The following MYO5B variants were observed in gnomAD, a reference collection of about 807,000 sequenced individuals.
The protein encoded by MYO5B is unconventional myosin-Vb.
In MYO5B, 143 loss-of-function variants were observed where a neutral mutation model predicts 229.3. The observed-to-expected ratio is 0.62, with a 90% CI of 0.54 to 0.72. The LOEUF (loss-of-function observed/expected upper bound fraction) is 0.72, where lower values mean the gene tolerates loss of function less well. MYO5B is among the 30% of genes least tolerant of loss of function. MYO5B has a pLI of 0.00. For synonymous variants in MYO5B, 918 were observed against 885.2 expected (o/e 1.04, Z -0.66); for missense variants, 2,321 against 2,331.0 (o/e 1.00, Z 0.09).
chr18:49,833,201 A>G (rs1221358480), intron 39 of MYO5B, among the ~76,000 whole-genome samples: 1 of 152,260 alleles, frequency 6.6e-6, no homozygotes, highest in Non-Finnish European at 1.5e-5. Context: ...ATTAAAGTAT[A>G]TAAGGTGGTC....
chr18:50,018,645 C>T (rs968611422), intron 4 of MYO5B, among the ~76,000 whole-genome samples: 2 of 152,154 alleles, frequency 1.3e-5, no homozygotes, highest in Non-Finnish European at 2.9e-5. Context: ...GATAAGGAAA[C>T]AGAGAGCTGG....
intron 4 of MYO5B, among the ~76,000 whole-genome samples, chr18:50,029,924 T>C (rs529076553): frequency 2.3e-4 from 35 of 152,280 alleles, no homozygotes; most frequent in Admixed American, 7.2e-4. Flanking sequence ...ACTGAAAACC[T>C]GAGGCTCAAT....
chr18:50,042,976 T>TC (rs1234101301), intron 2 of MYO5B, among the ~76,000 whole-genome samples: 3 of 151,638 alleles, frequency 2.0e-5, no homozygotes, highest in Non-Finnish European at 2.9e-5. Flanking sequence ...CTTCAACTCT[T>TC]CCCCCCAAGG....
chr18:49,941,674 C>T (rs2025315063), intron 14 of MYO5B, among the ~76,000 whole-genome samples: 2 of 151,778 alleles, frequency 1.3e-5, no homozygotes, highest in South Asian at 2.1e-4. Flanking sequence ...ATTTTCCTCC[C>T]TCTCGATACA....
rs1360791410 is a variant in MYO5B, at chr18:49,941,235, A to G, written c.1753-3838T>C. 2.6e-5 allele frequency among the ~76,000 whole-genome samples: 4 copies of G among 152,178 alleles called. No homozygotes were observed. The South Asian group carries it at 6.2e-4, about 24-fold the overall frequency. On this transcript the variant is annotated intron_variant, in intron 14 of 39. Coordinates refer to ENST00000285039, the MANE Select transcript of MYO5B (RefSeq NM_001080467.3). ...CACCAGAGTGACTTGCATGCAAATA[A>G]AAGTTGCAGTTCCTTAGTTCCCTGG...
At chr18:49,976,916 C>A (rs2025757565) in intron 9 of MYO5B, among the ~76,000 whole-genome samples, 1 of 152,206 alleles carries the variant, frequency 6.6e-6, no homozygotes, top group Admixed American at 6.5e-5. Context: ...CCAATTTGTT[C>A]ATCTGACCTA....
At chr18:49,891,857 C>A (rs2024718563) in intron 22 of MYO5B, among the ~76,000 whole-genome samples, 1 of 152,208 alleles carries the variant, frequency 6.6e-6, no homozygotes. Context: ...TGTCTTGATA[C>A]AATGCACAAC....
chr18:49,992,282 A>G lies in MYO5B; in HGVS notation c.756+6T>C, dbSNP rs16951370. ...TACACAAAAGGGCGCAAATCCTCCCACTCACCTGGAAGACCACTCTGGACT... is the reference window on the plus strand; with the variant it reads ...TACACAAAAGGGCGCAAATCCTCCCGCTCACCTGGAAGACCACTCTGGACT... On this transcript the variant is annotated splice_donor_region_variant and intron_variant, in intron 6 of 39. Transcript: ENST00000285039. The G allele has an allele frequency of 0.037, 59,076 of 1,613,876 alleles. 2,797 individuals carry two copies. Among genetic ancestry groups the G allele is most frequent in the African/African-American group, 0.23 (17,554 of 74,896 alleles).
intron 39 of MYO5B, among the ~76,000 whole-genome samples, chr18:49,834,063 T>C (rs2023956806): frequency 1.3e-5 from 2 of 152,212 alleles, no homozygotes; most frequent in Non-Finnish European, 2.9e-5. Flanking sequence ...CTAAAGTTCA[T>C]TTAGGCTTTT....
At chr18:49,998,255 C>T (rs1342688175) in intron 5 of MYO5B, among the ~76,000 whole-genome samples, 2 of 152,126 alleles carry the variant, frequency 1.3e-5, no homozygotes, top group Admixed American at 6.5e-5. Flanking sequence ...ACAGAAGAAA[C>T]CCTCAGGACT....
At chr18:50,048,928 A>G (rs1020201203) in intron 2 of MYO5B, among the ~76,000 whole-genome samples, 3 of 151,936 alleles carry the variant, frequency 2.0e-5, no homozygotes, top group African/African-American at 7.3e-5. Context: ...AGGCTGAGGC[A>G]CAAGAATTAC....
chr18:50,047,812 C>G (rs1238289644), intron 2 of MYO5B, among the ~76,000 whole-genome samples: 1 of 151,710 alleles, frequency 6.6e-6, no homozygotes, highest in Admixed American at 6.6e-5. Flanking sequence ...AGCTGGAAAC[C>G]ATCATTCTCA....
chr18:49,940,631 A>T (rs796355284), intron 14 of MYO5B, among the ~76,000 whole-genome samples: 5 of 152,312 alleles, frequency 3.3e-5, no homozygotes, highest in African/African-American at 9.6e-5. Context: ...AACCCCCCTC[A>T]GTCTGACGAC....
chr18:50,063,336 CA>C (rs1284259638), intron 1 of MYO5B, among the ~76,000 whole-genome samples: 3 of 152,192 alleles, frequency 2.0e-5, no homozygotes, highest in Non-Finnish European at 4.4e-5. Flanking sequence ...TTTAGAGCCA[CA>C]AGGAATTACA....
intron 6 of MYO5B, 135 bp downstream of exon 6, chr18:49,992,153 A>T: frequency 7.9e-7 from 1 of 1,260,094 alleles, no homozygotes; most frequent in Non-Finnish European, 1.2e-6. Context: ...AAAAGATAAG[A>T]ACCAAAAGAA....
At chr18:49,934,837 C>T (rs2025231802) in intron 16 of MYO5B, among the ~76,000 whole-genome samples, 2 of 152,112 alleles carry the variant, frequency 1.3e-5, no homozygotes, top group South Asian at 4.1e-4. Flanking sequence ...TATTACATGA[C>T]CAGAGTGTAG....
chr18:49,830,700 T>C (rs904856886), intron 39 of MYO5B, among the ~76,000 whole-genome samples: 2 of 151,752 alleles, frequency 1.3e-5, no homozygotes, highest in African/African-American at 4.8e-5. Context: ...ACGCAAAAAT[T>C]AGCCAGGCAT....
intron 31 of MYO5B, chr18:49,849,938 C>T (rs569708811): frequency 1.5e-5 from 7 of 461,366 alleles, no homozygotes; most frequent in East Asian, 1.3e-4. Flanking sequence ...CAAGCCTCCC[C>T]AAGCCAAGCC....
At position 50,041,600 on chromosome 18, in the gene MYO5B, GA is replaced by G. The variant is rs746237273; in HGVS notation, c.139-1287del. Among the ~76,000 whole-genome samples, 17 of 150,374 alleles carry G rather than the reference GA, an allele frequency of 1.1e-4. No homozygotes were observed. In the East Asian group the frequency reaches 2.9e-3, roughly 26 times the overall value. On this transcript the variant is annotated intron_variant, in intron 2 of 39. Transcript: ENST00000285039. ...TAAGTAAATTAGCTAGCCATTTAGG[GA>G]AAAAAAAATTAGACCAGTATTCTTA...
Sources: allele counts gnomAD v4.1 joint callset (sites outside exome capture counted in the v4.1 genomes callset), GRCh38; gene constraint gnomAD v4.1.1; transcripts MANE v1.5; gene names NCBI Gene and HGNC (gene_info 2026-07-23, HGNC 2026-07-21).